Variants in GPC6 observed in about 807,000 individuals in gnomAD.
GPC6 encodes glypican 6.
Under a neutral mutation model 55.2 loss-of-function variants are expected in GPC6, and 14 were observed. That is an observed-to-expected ratio of 0.25 (90% CI 0.17 to 0.40). The LOEUF is 0.40. Ranked by LOEUF, GPC6 falls within the 10% of genes least tolerant of loss-of-function variation. GPC6 has a pLI of 1.00. For missense variants in GPC6, 641 were observed against 708.5 expected (o/e 0.90, Z 1.08); for synonymous variants, 278 against 259.6 (o/e 1.07, Z -0.68).
Position 93,928,464 on chromosome 13 carries a change from G to T in GPC6, c.711+97919G>T, listed in dbSNP as rs150544392. ...GCAACATAATACAATATTGACAAAG[G>T]TGCAGTAGGGTGAAACTTTATGTTT... On this transcript the variant is annotated intron_variant, in intron 3 of 8. Transcript: ENST00000377047. Among the ~76,000 whole-genome samples the T allele has an allele frequency of 1.2e-3, 177 of 152,160 alleles. 1 individual carries two copies. The highest frequency in any genetic ancestry group is 4.0e-3 in the African/African-American group (165 of 41,512).
At chr13:93,401,879 A>G in intron 1 of GPC6, among the ~76,000 whole-genome samples, 1 of 152,046 alleles carries the variant, frequency 6.6e-6, no homozygotes, top group East Asian at 1.9e-4. Flanking sequence ...CTTATTTTGC[A>G]CATGAATAAA....
At chr13:93,525,635 T>A (rs1171664083) in intron 1 of GPC6, among the ~76,000 whole-genome samples, 3 of 152,052 alleles carry the variant, frequency 2.0e-5, no homozygotes. Flanking sequence ...CAGGAGCCAT[T>A]CTTTTTATTC....
At chr13:93,682,743 G>A (rs896100137) in intron 2 of GPC6, among the ~76,000 whole-genome samples, 24 of 151,440 alleles carry the variant, frequency 1.6e-4, no homozygotes, top group Admixed American at 9.9e-4. Flanking sequence ...GCTGAGCATG[G>A]TGGCCTGTAA....
At chr13:93,887,814 G>A (rs1875434824) in intron 3 of GPC6, among the ~76,000 whole-genome samples, 2 of 152,110 alleles carry the variant, frequency 1.3e-5, no homozygotes, top group African/African-American at 4.8e-5. Flanking sequence ...AAACAAAAAT[G>A]TAGTTGATTC....
At chr13:93,237,901 C>G (rs1876292534) in intron 1 of GPC6, among the ~76,000 whole-genome samples, 2 of 152,034 alleles carry the variant, frequency 1.3e-5, no homozygotes, top group African/African-American at 4.8e-5. Context: ...TTTCTGGGTT[C>G]TCTATTCTGT....
intron 1 of GPC6, among the ~76,000 whole-genome samples, chr13:93,460,915 A>G (rs1223018826): frequency 6.6e-6 from 1 of 152,198 alleles, no homozygotes; most frequent in East Asian, 1.9e-4. Flanking sequence ...ACTGGTTTTA[A>G]TATAATAATG....
chr13:93,237,884 G>A (rs1344763661), intron 1 of GPC6, among the ~76,000 whole-genome samples: 2 of 152,086 alleles, frequency 1.3e-5, no homozygotes, highest in African/African-American at 2.4e-5. Context: ...GTAGGGATTA[G>A]GCTTTATTTC....
chr13:93,541,479 A>C (rs1882296886), intron 1 of GPC6, among the ~76,000 whole-genome samples: 1 of 81,658 alleles, frequency 1.2e-5, no homozygotes, highest in African/African-American at 4.9e-5. Context: ...TAGTGCCGCA[A>C]TAAACATACG....
At chr13:93,872,666 G>T (rs1566579501) in intron 3 of GPC6, among the ~76,000 whole-genome samples, 1 of 151,880 alleles carries the variant, frequency 6.6e-6, no homozygotes, top group South Asian at 2.1e-4. Flanking sequence ...TGATTACTCT[G>T]GGCCCACCCA....
chr13:93,729,648 A>G (rs1883756719), intron 2 of GPC6, among the ~76,000 whole-genome samples: 1 of 152,166 alleles, frequency 6.6e-6, no homozygotes, highest in Non-Finnish European at 1.5e-5. Context: ...CCATTTTGGG[A>G]AACTATTGGA....
chr13:93,977,472 GTGTGTGT>G, intron 3 of GPC6, among the ~76,000 whole-genome samples: 2 of 19,298 alleles, frequency 1.0e-4, no homozygotes, highest in East Asian at 8.7e-3. Context: ...CAAGGGGTGT[GTGTGTGT>G]GTGTGTGTGT....
intron 3 of GPC6, among the ~76,000 whole-genome samples, chr13:93,997,581 A>ATGTGTGTG (rs146601294): frequency 0.024 from 3,638 of 148,904 alleles, 133 homozygotes; most frequent in African/African-American, 0.083. Context: ...AAGACATAAT[A>ATGTGTGTG]TGTGTGTGTG....
intron 4 of GPC6, among the ~76,000 whole-genome samples, chr13:94,100,040 G>A (rs78198639): frequency 6.6e-6 from 1 of 152,044 alleles, no homozygotes; most frequent in African/African-American, 2.4e-5. Flanking sequence ...TGATGAAATA[G>A]TCTGTACATG....
chr13:94,103,193 A>G (rs1202383303), intron 4 of GPC6, among the ~76,000 whole-genome samples: 7 of 152,162 alleles, frequency 4.6e-5, no homozygotes, highest in Non-Finnish European at 7.3e-5. Context: ...AGCTTCATCC[A>G]TGTCCCTACA....
chr13:93,949,452 A>G (rs533072033), intron 3 of GPC6, among the ~76,000 whole-genome samples: 16 of 152,334 alleles, frequency 1.1e-4, no homozygotes, highest in African/African-American at 3.8e-4. Context: ...TTAATATTCA[A>G]GTGGCATAAA....
chr13:93,332,595 T>A (rs1323549352), intron 1 of GPC6, among the ~76,000 whole-genome samples: 2 of 152,164 alleles, frequency 1.3e-5, no homozygotes, highest in African/African-American at 4.8e-5. Context: ...GGATTCCATA[T>A]ATATTCTTGT....
intron 2 of GPC6, among the ~76,000 whole-genome samples, chr13:93,661,355 A>G (rs1157265914): frequency 5.3e-5 from 8 of 152,130 alleles, no homozygotes. Context: ...CTGAGAATAC[A>G]GGCACCCACC....
In GPC6 at chr13:93,898,189, G is replaced by A. The variant is rs117562946; in HGVS notation, c.711+67644G>A. Reference sequence around the variant, plus strand: ...TGGTCATATTAATGGTCCTAATAACGATCCAAGTTTGAGTTCAGAGTGTCC... The same window carrying A: ...TGGTCATATTAATGGTCCTAATAACAATCCAAGTTTGAGTTCAGAGTGTCC... On this transcript the variant is annotated intron_variant, in intron 3 of 8. Coordinates refer to ENST00000377047, the MANE Select transcript of GPC6 (RefSeq NM_005708.5). Among the ~76,000 whole-genome samples, 16 of 152,172 alleles carry A rather than the reference G, an allele frequency of 1.1e-4. No homozygotes were observed. The East Asian group carries it at 3.1e-3, about 29-fold the overall frequency.
intron 3 of GPC6, among the ~76,000 whole-genome samples, chr13:93,860,667 G>A (rs1228740103): frequency 6.6e-6 from 1 of 151,412 alleles, no homozygotes; most frequent in Non-Finnish European, 1.5e-5. Flanking sequence ...TTTTTTTCTG[G>A]GACTTCAAGG....
Sources: allele counts gnomAD v4.1 joint callset (sites outside exome capture counted in the v4.1 genomes callset), GRCh38; gene constraint gnomAD v4.1.1; transcripts MANE v1.5; gene names NCBI Gene and HGNC (gene_info 2026-07-23, HGNC 2026-07-21).